UTRN: variants seen among roughly 807,000 people sequenced by gnomAD.
UTRN encodes utrophin.
In UTRN, 283 loss-of-function variants were observed where a neutral mutation model predicts 463.9. The ratio of observed to expected loss-of-function variants is 0.61; its 90% CI spans 0.55 to 0.67. UTRN has a LOEUF of 0.67. UTRN is among the 30% of genes least tolerant of loss of function. The probability of loss-of-function intolerance (pLI) is 0.00; values close to 1 mark genes in which losing one functional copy is unlikely to be tolerated. For missense variants in UTRN, 3,922 were observed against 4,084.3 expected (o/e 0.96, Z 1.08); for synonymous variants, 1,442 against 1,431.5 (o/e 1.01, Z -0.17).
At chr6:144,380,328 G>A (rs1780798777) in intron 2 of UTRN, among the ~76,000 whole-genome samples, 2 of 152,166 alleles carry the variant, frequency 1.3e-5, no homozygotes, top group African/African-American at 4.8e-5. Context: ...AGACAAAAAT[G>A]TCTAGGAGGA....
At chr6:144,459,598 AT>A (rs890055665) in intron 21 of UTRN, among the ~76,000 whole-genome samples, 16 of 148,050 alleles carry the variant, frequency 1.1e-4, no homozygotes, top group Middle Eastern at 3.5e-3. Flanking sequence ...TATAATAATA[AT>A]TTTTTTTTTT....
At chr6:144,406,187 G>C (rs922590991) in intron 3 of UTRN, among the ~76,000 whole-genome samples, 12 of 152,040 alleles carry the variant, frequency 7.9e-5, no homozygotes, top group African/African-American at 2.9e-4. Flanking sequence ...ATTAATTAAT[G>C]AGTTAAATAA....
chr6:144,696,795 T>C (rs1342436848), intron 52 of UTRN, among the ~76,000 whole-genome samples: 1 of 152,158 alleles, frequency 6.6e-6, no homozygotes, highest in South Asian at 2.1e-4. Flanking sequence ...GCTGAGTAAA[T>C]GAAAAACTGT....
At chr6:144,611,695 AAAATT>A (rs148661138) in intron 51 of UTRN, among the ~76,000 whole-genome samples, 70 of 152,296 alleles carry the variant, frequency 4.6e-4, no homozygotes, top group African/African-American at 1.4e-3. Context: ...CTGGTGAAGA[AAAATT>A]AAAGAAAACA....
intron 9 of UTRN, among the ~76,000 whole-genome samples, chr6:144,433,800 G>C (rs1322315831): frequency 6.6e-6 from 1 of 151,210 alleles, no homozygotes; most frequent in Non-Finnish European, 1.5e-5. Flanking sequence ...CCGGGAAGAG[G>C]TGCTCCTCAC....
intron 9 of UTRN, among the ~76,000 whole-genome samples, chr6:144,434,624 A>T (rs1204649147): frequency 3.3e-5 from 5 of 152,114 alleles, no homozygotes; most frequent in Non-Finnish European, 5.9e-5. Flanking sequence ...TGGAATCCAG[A>T]CTCCTAGGTG....
intron 2 of UTRN, among the ~76,000 whole-genome samples, chr6:144,344,528 A>G (rs1392927553): frequency 6.6e-6 from 1 of 152,084 alleles, no homozygotes; most frequent in Admixed American, 6.6e-5. Context: ...GTGATAATTC[A>G]CCAGAGTTAT....
chr6:144,821,037 T>C lies in UTRN; in HGVS notation c.9494+19T>C, dbSNP rs1168978316. On this transcript the variant is annotated intron_variant, in intron 66 of 74. Transcript: ENST00000367545. ...TAGAGACGTAAGTTTGATTTTAATA[T>C]TAAATCTAGTGTGAACATTTATATC... The C allele has an allele frequency of 9.9e-6, 16 of 1,611,328 alleles. No individual in the cohort carries two copies. The highest frequency in any genetic ancestry group is 1.4e-5 in the Non-Finnish European group (16 of 1,178,996).
chr6:144,453,663 A>AT lies in UTRN; in HGVS notation c.2197-116dup. On this transcript the variant is annotated intron_variant, in intron 18 of 74. Coordinates refer to ENST00000367545, the MANE Select transcript of UTRN (RefSeq NM_007124.3). ...TTTTAGTTGCTATGATTACGTTTGAATTTACCTTTTCAGATTTAAAAAGAA... is the reference window on the plus strand; with the variant it reads ...TTTTAGTTGCTATGATTACGTTTGAATTTTACCTTTTCAGATTTAAAAAGAA... 4 of 793,338 alleles carry AT rather than the reference A, an allele frequency of 5.0e-6. No individual in the cohort carries two copies. In the South Asian group the frequency reaches 9.6e-5, roughly 19 times the overall value. 49.1% of individuals were successfully genotyped at this position (793,338 alleles called of 1,614,324 possible).
chr6:144,661,499 C>T (rs535371876), intron 51 of UTRN, among the ~76,000 whole-genome samples: 100 of 152,228 alleles, frequency 6.6e-4, no homozygotes, highest in Non-Finnish European at 1.3e-3. Flanking sequence ...TGTGGTTAAG[C>T]ATCTAAATTC....
intron 16 of UTRN, among the ~76,000 whole-genome samples, 182 bp downstream of exon 16, chr6:144,447,963 T>C (rs1787859199): frequency 6.6e-6 from 1 of 152,220 alleles, no homozygotes; most frequent in Non-Finnish European, 1.5e-5. Context: ...TATCTTAATA[T>C]CCTATAATTT....
At chr6:144,528,289 G>C (rs569148180) in intron 41 of UTRN, among the ~76,000 whole-genome samples, 1 of 152,234 alleles carries the variant, frequency 6.6e-6, no homozygotes, top group East Asian at 1.9e-4. Flanking sequence ...GCCTGCCTTG[G>C]CCTCCCAAGT....
chr6:144,725,935 G>A (rs1787828512), intron 53 of UTRN, among the ~76,000 whole-genome samples: 1 of 152,180 alleles, frequency 6.6e-6, no homozygotes, highest in Admixed American at 6.5e-5. Context: ...GTTCCCACCT[G>A]CCCAGGCTTG....
In UTRN at chr6:144,436,075, C is replaced by T. The variant is rs2114888024; in HGVS notation, c.996C>T (p.Phe332=). The T allele has an allele frequency of 6.2e-7, 1 of 1,614,160 alleles. No homozygotes were observed. The highest frequency in any genetic ancestry group is 2.2e-5 in the East Asian group (1 of 44,884). The change falls in exon 10 of 75, where the codon TTC becomes TTT. Residue 332 remains phenylalanine (F), a synonymous_variant. Coordinates refer to ENST00000367545, the MANE Select transcript of UTRN (RefSeq NM_007124.3). ...LTWLLSAEDT[F]QEQDDISDDV... is the part of the protein sequence containing the mutation. ...GGTTGCTTTCTGCTGAGGACACTTT[C>T]CAGGAGCAGGATGATATTTCTGATG...
intron 66 of UTRN, among the ~76,000 whole-genome samples, chr6:144,822,875 T>G (rs1232440630): frequency 2.0e-5 from 3 of 152,176 alleles, no homozygotes; most frequent in Non-Finnish European, 4.4e-5. Flanking sequence ...AGGTTTGAAC[T>G]AAGCGATGTG....
intron 54 of UTRN, among the ~76,000 whole-genome samples, chr6:144,739,310 T>G (rs1025265606): frequency 2.6e-5 from 4 of 152,230 alleles, no homozygotes; most frequent in Admixed American, 2.0e-4. Context: ...ATTAGCAAAC[T>G]TATGCAAATA....
chr6:144,839,336 C>A (rs1781365347), intron 72 of UTRN, 52 bp downstream of exon 72: 2 of 1,464,046 alleles, frequency 1.4e-6, no homozygotes, highest in African/African-American at 2.8e-5. Flanking sequence ...TGTGCTTTGC[C>A]ATTAGTTTGT....
chr6:144,440,618 C>A, intron 13 of UTRN, 147 bp downstream of exon 13: 1 of 1,075,990 alleles, frequency 9.3e-7, no homozygotes, highest in Non-Finnish European at 1.3e-6. Flanking sequence ...AGTTGGGGTT[C>A]TACAGTGTGT....
chr6:144,505,863 TC>T (rs944725546), intron 34 of UTRN, among the ~76,000 whole-genome samples: 83 of 152,176 alleles, frequency 5.5e-4, no homozygotes, highest in African/African-American at 1.9e-3. Context: ...CGTTAAAGTA[TC>T]CCCCTATTAT....
Sources: gnomAD v4.1 joint callset for allele counts (sites outside exome capture counted in the v4.1 genomes callset) on GRCh38, gnomAD v4.1.1 for gene constraint, MANE v1.5 for transcripts, NCBI Gene and HGNC (gene_info 2026-07-23, HGNC 2026-07-21) for gene names.